LINGO2: variants seen among roughly 807,000 people sequenced by gnomAD.
LINGO2 encodes the protein leucine-rich repeat and immunoglobulin-like domain-containing nogo receptor-interacting protein 2.
Under a neutral mutation model 30.6 loss-of-function variants are expected in LINGO2, and 14 were observed. The observed-to-expected ratio is 0.46, with a 90% CI of 0.30 to 0.72. The LOEUF is 0.72. Ranked by LOEUF, LINGO2 falls within the 30% of genes least tolerant of loss-of-function variation. LINGO2 has a pLI of 0.07. For missense variants in LINGO2, 729 were observed against 751.7 expected, an observed-to-expected ratio of 0.97 and a Z score of 0.35; for synonymous variants, 317 against 288.5, an observed-to-expected ratio of 1.10 and a Z score of -1.00.
intron 5 of LINGO2, among the ~76,000 whole-genome samples, chr9:27,972,698 C>T (rs1450616180): frequency 6.6e-6 from 1 of 152,200 alleles, no homozygotes; most frequent in Non-Finnish European, 1.5e-5. Context: ...GGTATTGAGG[C>T]TTACCACAGG....
chr9:29,003,252 T>G, the LINGO2 span, among the ~76,000 whole-genome samples: 1 of 152,020 alleles, frequency 6.6e-6, no homozygotes, highest in Non-Finnish European at 1.5e-5. Context: ...TGTGGTACTT[T>G]GTTACAGCAG....
At chr9:28,386,690 T>C (rs908111089) in intron 2 of LINGO2, among the ~76,000 whole-genome samples, 3 of 152,186 alleles carry the variant, frequency 2.0e-5, no homozygotes, top group African/African-American at 7.2e-5. Context: ...CCTTCTCCAA[T>C]ATGGCACTTC....
intron 1 of LINGO2, among the ~76,000 whole-genome samples, chr9:28,552,673 T>C (rs1257693205): frequency 6.6e-6 from 1 of 151,720 alleles, no homozygotes; most frequent in Non-Finnish European, 1.5e-5. Context: ...TCCTATGCTA[T>C]ATTTTCTGTT....
At chr9:28,500,648 C>T (rs1038343582) in intron 1 of LINGO2, among the ~76,000 whole-genome samples, 11 of 151,784 alleles carry the variant, frequency 7.2e-5, no homozygotes, top group Non-Finnish European at 1.2e-4. Context: ...GAAGAGTATA[C>T]GTCAATGTTT....
chr9:28,879,329 C>T, the LINGO2 span, among the ~76,000 whole-genome samples: 1 of 152,100 alleles, frequency 6.6e-6, no homozygotes, highest in Non-Finnish European at 1.5e-5. Context: ...TATGTAGTAG[C>T]ACTGAACTTA....
the LINGO2 span, among the ~76,000 whole-genome samples, chr9:28,848,397 G>GTGTGTATATATATA: frequency 1.6e-3 from 78 of 48,406 alleles, no homozygotes; most frequent in Non-Finnish European, 2.5e-3. Flanking sequence ...GTGTGTGTGT[G>GTGTGTATATATATA]TATATATATA....
chr9:28,822,139 C>A, the LINGO2 span, among the ~76,000 whole-genome samples: 1 of 152,158 alleles, frequency 6.6e-6, no homozygotes, highest in Admixed American at 6.6e-5. Context: ...CCCATGGAAG[C>A]CAAGAAATCC....
intron 3 of LINGO2, among the ~76,000 whole-genome samples, chr9:28,338,496 G>A (rs1297134505): frequency 6.6e-6 from 1 of 152,140 alleles, no homozygotes; most frequent in Non-Finnish European, 1.5e-5. Flanking sequence ...TGAAATGTGA[G>A]GACATGAGAT....
At chr9:29,175,166 G>A in the LINGO2 span, among the ~76,000 whole-genome samples, 1 of 152,124 alleles carries the variant, frequency 6.6e-6, no homozygotes, top group African/African-American at 2.4e-5. Context: ...GGCTGAGGCA[G>A]GAGAATCACT....
At chr9:28,801,612 G>A in the LINGO2 span, among the ~76,000 whole-genome samples, 4 of 152,072 alleles carry the variant, frequency 2.6e-5, no homozygotes, top group Non-Finnish European at 5.9e-5. Context: ...GCCTCACTGT[G>A]TAATCTCCAG....
At chr9:28,386,561 TA>T (rs1000659621) in intron 2 of LINGO2, among the ~76,000 whole-genome samples, 2 of 152,132 alleles carry the variant, frequency 1.3e-5, no homozygotes, top group Non-Finnish European at 1.5e-5. Flanking sequence ...ATATAACTCT[TA>T]AAAAAACCAC....
chr9:28,017,949 C>CA (rs1332032493), intron 4 of LINGO2, among the ~76,000 whole-genome samples: 1 of 152,146 alleles, frequency 6.6e-6, no homozygotes, highest in Non-Finnish European at 1.5e-5. Context: ...GACCTGACTT[C>CA]AAGCTATATT....
chr9:28,142,033 C>T (rs1040328352), intron 4 of LINGO2, among the ~76,000 whole-genome samples: 18 of 152,118 alleles, frequency 1.2e-4, no homozygotes, highest in Non-Finnish European at 2.6e-4. Flanking sequence ...ACCATGTGAC[C>T]AAGTAGAATT....
chr9:27,948,542 G>T, exon 6 of LINGO2: 1 of 278,164 alleles, frequency 3.6e-6, no homozygotes, highest in Non-Finnish European at 6.6e-6. Flanking sequence ...TTTTTGCAGT[G>T]GTAGAAAATG....
At chr9:28,039,932 A>G (rs998008982) in intron 4 of LINGO2, among the ~76,000 whole-genome samples, 6 of 152,244 alleles carry the variant, frequency 3.9e-5, no homozygotes, top group Admixed American at 3.9e-4. Flanking sequence ...GGGGTCTTAG[A>G]TGGGCTGAAC....
the LINGO2 span, among the ~76,000 whole-genome samples, chr9:29,014,802 T>C: frequency 1.3e-5 from 2 of 152,134 alleles, no homozygotes; most frequent in African/African-American, 2.4e-5. Flanking sequence ...CCCTGGAATA[T>C]GGGTGAATAG....
In LINGO2 at chr9:28,467,035, T is replaced by TGG. The variant is rs397724395; in HGVS notation, c.-279+8903_-279+8904dup. ...AACCCTAGCTGACTCTCTTTTTTTT[T>TGG]GGGGGGGGGGGACGGAGTCTCGCTC... On this transcript the variant is annotated intron_variant, in intron 2 of 5. Transcript: ENST00000379992. Among the ~76,000 whole-genome samples the TGG allele has an allele frequency of 3.2e-3, 450 of 140,208 alleles. 3 individuals are homozygous for TGG. Among genetic ancestry groups the TGG allele is most frequent in the East Asian group, 0.017 (78 of 4,544 alleles). The allele number at this position is 140,208 out of a possible 152,430, so 92.0% of individuals were successfully genotyped here.
At chr9:28,785,379 G>C in the LINGO2 span, among the ~76,000 whole-genome samples, 4 of 152,234 alleles carry the variant, frequency 2.6e-5, no homozygotes, top group East Asian at 7.7e-4. Context: ...TTATCATTGA[G>C]ACCTCATATC....
intron 1 of LINGO2, among the ~76,000 whole-genome samples, chr9:28,599,649 T>C (rs1054234987): frequency 6.6e-6 from 1 of 152,180 alleles, no homozygotes; most frequent in African/African-American, 2.4e-5. Flanking sequence ...TAAAGAGACT[T>C]TAATAATGTC....
Sources: gnomAD v4.1 joint callset for allele counts (sites outside exome capture counted in the v4.1 genomes callset) on GRCh38, gnomAD v4.1.1 for gene constraint, MANE v1.5 for transcripts, NCBI Gene and HGNC (gene_info 2026-07-23, HGNC 2026-07-21) for gene names.